The following RBPMS2 variants were observed in gnomAD, a reference collection of about 807,000 sequenced individuals.
The protein encoded by RBPMS2 is RNA binding protein, mRNA processing factor 2, also known as RNA-binding protein with multiple splicing 2.
Under a neutral mutation model 25.7 loss-of-function variants are expected in RBPMS2, and 14 were observed. That is an observed-to-expected ratio of 0.55 (90% CI 0.36 to 0.85). RBPMS2 has a LOEUF of 0.85. Ranked by LOEUF, RBPMS2 falls within the 40% of genes least tolerant of loss-of-function variation. RBPMS2 has a pLI of 0.01. For synonymous variants in RBPMS2, 127 were observed against 115.6 expected (o/e 1.10, Z -0.63); for missense variants, 252 against 283.4 (o/e 0.89, Z 0.80).
chr15:64,745,461 G>A (rs1167979224), intron 6 of RBPMS2, among the ~76,000 whole-genome samples: 1 of 152,154 alleles, frequency 6.6e-6, no homozygotes. Context: ...AGAAAATAGA[G>A]GCACGGGAGT....
chr15:64,750,242 C>A (rs1190120168), intron 3 of RBPMS2, 101 bp downstream of exon 3: 3 of 1,031,206 alleles, frequency 2.9e-6, no homozygotes, highest in African/African-American at 1.6e-5. Context: ...CAAGTCTGTA[C>A]CGCCAGATGC....
intron 1 of RBPMS2, among the ~76,000 whole-genome samples, chr15:64,761,849 T>C (rs528020304): frequency 6.6e-6 from 1 of 151,982 alleles, no homozygotes; most frequent in South Asian, 2.1e-4. Context: ...GCTGGGATTA[T>C]AGGCACCCAC....
At chr15:64,743,124 G>A (rs537037033) in intron 6 of RBPMS2, among the ~76,000 whole-genome samples, 2 of 152,328 alleles carry the variant, frequency 1.3e-5, no homozygotes, top group South Asian at 2.1e-4. Flanking sequence ...TGTAGCCTCC[G>A]GCAGCCCCAC....
At chr15:64,771,426 T>C (rs2083892260) in intron 1 of RBPMS2, among the ~76,000 whole-genome samples, 1 of 152,218 alleles carries the variant, frequency 6.6e-6, no homozygotes, top group African/African-American at 2.4e-5. Context: ...CTCACGTCTG[T>C]AATCTCAGCA....
intron 1 of RBPMS2, among the ~76,000 whole-genome samples, chr15:64,757,895 G>C (rs2083749052): frequency 6.6e-6 from 1 of 152,156 alleles, no homozygotes; most frequent in African/African-American, 2.4e-5. Context: ...AGCATCGCTT[G>C]AGCCCAGGAA....
intron 1 of RBPMS2, among the ~76,000 whole-genome samples, chr15:64,754,058 CCCA>C (rs2083708772): frequency 6.6e-6 from 1 of 152,196 alleles, no homozygotes; most frequent in African/African-American, 2.4e-5. Flanking sequence ...TGCCTGTAAC[CCCA>C]GCACTTTGGA....
At chr15:64,751,484 G>T in intron 2 of RBPMS2, 77 bp downstream of exon 2, 1 of 1,293,870 alleles carries the variant, frequency 7.7e-7, no homozygotes, top group Non-Finnish European at 1.1e-6. Context: ...CTGCTGCCCT[G>T]CCCGACCCGA....
At position 64,770,429 on chromosome 15, in the gene RBPMS2, T is replaced by C. The variant is rs1359330611; in HGVS notation, c.87+4804A>G. Among the ~76,000 whole-genome samples, 4 of 152,190 alleles carry C rather than the reference T, an allele frequency of 2.6e-5. No homozygotes were observed. The East Asian group carries it at 5.8e-4, about 22-fold the overall frequency. The stretch of plus-strand genomic sequence containing the variant: ...ATAATGCTCTTACAAAGATTAAGAG[T>C]TAAAATGGTGCAGAACATATAACAA... On this transcript the variant is annotated intron_variant, in intron 1 of 7. Transcript: ENST00000300069.
intron 2 of RBPMS2, 24 bp from the exon 3 acceptor site, chr15:64,750,405 C>T (rs1212927179): frequency 3.1e-6 from 5 of 1,610,426 alleles, no homozygotes; most frequent in East Asian, 2.2e-5. Flanking sequence ...TGGCTGTTAC[C>T]GTGGAAGGTC....
intron 1 of RBPMS2, among the ~76,000 whole-genome samples, chr15:64,764,663 C>T (rs1350047672): frequency 6.6e-6 from 1 of 152,168 alleles, no homozygotes; most frequent in Non-Finnish European, 1.5e-5. Flanking sequence ...CGCCTGTTAT[C>T]CCAGCACTTT....
At chr15:64,764,534 T>A (rs1482751304) in intron 1 of RBPMS2, among the ~76,000 whole-genome samples, 1 of 152,182 alleles carries the variant, frequency 6.6e-6, no homozygotes, top group Non-Finnish European at 1.5e-5. Context: ...TTCTGCAACC[T>A]GCATTCTGAT....
At chr15:64,745,975 T>C (rs910094765) in intron 6 of RBPMS2, among the ~76,000 whole-genome samples, 1 of 152,202 alleles carries the variant, frequency 6.6e-6, no homozygotes, top group Non-Finnish European at 1.5e-5. Flanking sequence ...GTCCTTCTAT[T>C]GGTCTTTTGG....
At chr15:64,745,159 C>T (rs1374455874) in intron 6 of RBPMS2, among the ~76,000 whole-genome samples, 3 of 152,050 alleles carry the variant, frequency 2.0e-5, no homozygotes, top group Non-Finnish European at 4.4e-5. Flanking sequence ...TGCAGTTTTT[C>T]TAAGATTCAT....
intron 1 of RBPMS2, among the ~76,000 whole-genome samples, chr15:64,764,875 G>C (rs139604137): frequency 0.042 from 6,197 of 146,748 alleles, 246 homozygotes; most frequent in Admixed American, 0.14. Context: ...CTGAGACCAC[G>C]CCACTGCACT....
In RBPMS2 at chr15:64,743,062, G is replaced by A. The variant is rs1404014328; in HGVS notation, c.568-1820C>T. 2.0e-5 allele frequency among the ~76,000 whole-genome samples: 3 copies of A among 152,332 alleles called. No individual in the cohort carries two copies. In the East Asian group the frequency reaches 5.8e-4, roughly 29 times the overall value. ...CAATGCTGCTATCAGAGAAGCCGGC[G>A]GCTGGCACCAGCTCAGGGAGCCCCT... On this transcript the variant is annotated intron_variant, in intron 6 of 7. Transcript: ENST00000300069.
Position 64,753,262 on chromosome 15 carries a change from A to G in RBPMS2, c.88-1624T>C, listed in dbSNP as rs8038546. On this transcript the variant is annotated intron_variant, in intron 1 of 7. Transcript: ENST00000300069. ...CAGATTTTAGAAGTTCACATGCCTC[A>G]CCCCATCACGCGGCCATTCTTGAAA... 9.3e-3 allele frequency among the ~76,000 whole-genome samples: 1,418 copies of G among 152,254 alleles called. 21 individuals carry two copies. Among genetic ancestry groups the G allele is most frequent in the African/African-American group, 0.032 (1,333 of 41,542 alleles).
At chr15:64,766,923 A>G (rs555204074) in intron 1 of RBPMS2, among the ~76,000 whole-genome samples, 172 of 152,118 alleles carry the variant, frequency 1.1e-3, no homozygotes, top group Middle Eastern at 3.4e-3. Flanking sequence ...AGCTGGGATT[A>G]CAGGTGCTCA....
At chr15:64,757,344 T>C (rs2083742283) in intron 1 of RBPMS2, among the ~76,000 whole-genome samples, 1 of 152,084 alleles carries the variant, frequency 6.6e-6, no homozygotes, top group Admixed American at 6.5e-5. Flanking sequence ...TCCCCATTAC[T>C]TGTGAGAGCA....
At chr15:64,741,682 A>G (rs2083563454) in intron 6 of RBPMS2, among the ~76,000 whole-genome samples, 1 of 152,234 alleles carries the variant, frequency 6.6e-6, no homozygotes, top group South Asian at 2.1e-4. Flanking sequence ...TCATCTAGCT[A>G]TAGGACAGAA....
Sources: gnomAD v4.1 joint callset for allele counts (sites outside exome capture counted in the v4.1 genomes callset) on GRCh38, gnomAD v4.1.1 for gene constraint, MANE v1.5 for transcripts, NCBI Gene and HGNC (gene_info 2026-07-23, HGNC 2026-07-21) for gene names.